Variants in ZBTB7C observed in about 807,000 individuals in gnomAD.
ZBTB7C encodes zinc finger and BTB domain-containing protein 7C.
ZBTB7C carries 8 observed loss-of-function variants against 25.7 expected under a neutral mutation model. The ratio of observed to expected loss-of-function variants is 0.31; its 90% CI spans 0.18 to 0.56. The LOEUF (loss-of-function observed/expected upper bound fraction) is 0.56, where lower values mean the gene tolerates loss of function less well. Ranked by LOEUF, ZBTB7C falls within the 20% of genes least tolerant of loss-of-function variation. ZBTB7C has a pLI of 0.91. For missense variants in ZBTB7C, 824 were observed against 855.2 expected, an observed-to-expected ratio of 0.96 and a Z score of 0.46; for synonymous variants, 394 against 369.0, an observed-to-expected ratio of 1.07 and a Z score of -0.78.
intron 3 of ZBTB7C, among the ~76,000 whole-genome samples, chr18:48,131,047 G>A (rs747891269): frequency 2.0e-5 from 3 of 152,174 alleles, no homozygotes; most frequent in Non-Finnish European, 2.9e-5. Context: ...GGGATTACAG[G>A]TGCGTGCCAC....
At chr18:48,118,418 A>C (rs1485830566) in intron 3 of ZBTB7C, among the ~76,000 whole-genome samples, 1 of 152,186 alleles carries the variant, frequency 6.6e-6, no homozygotes, top group East Asian at 1.9e-4. Context: ...CCTTTCTTTT[A>C]AGGATACAAA....
At chr18:48,331,000 T>C (rs908084995) in intron 2 of ZBTB7C, among the ~76,000 whole-genome samples, 25 of 151,936 alleles carry the variant, frequency 1.6e-4, no homozygotes, top group African/African-American at 4.6e-4. Context: ...AGGTCAAGGG[T>C]TCCCTCCTCC....
chr18:48,219,518 G>T (rs1252082906), intron 2 of ZBTB7C, among the ~76,000 whole-genome samples: 1 of 152,134 alleles, frequency 6.6e-6, no homozygotes, highest in Non-Finnish European at 1.5e-5. Context: ...GCCTTCCCAG[G>T]TCACACAGCC....
At chr18:48,306,913 C>T (rs763745484) in intron 2 of ZBTB7C, among the ~76,000 whole-genome samples, 2 of 152,132 alleles carry the variant, frequency 1.3e-5, no homozygotes, top group Non-Finnish European at 2.9e-5. Flanking sequence ...TTCTCTGAGG[C>T]ACACAGTGTA....
chr18:48,079,736 A>C (rs4315405), intron 3 of ZBTB7C, among the ~76,000 whole-genome samples: 33,413 of 152,274 alleles, frequency 0.22, 4,075 homozygotes, highest in African/African-American at 0.33. Flanking sequence ...GCCCGCTGGA[A>C]AGGCCTTGGC....
chr18:48,038,796 C>A (rs2036087844), intron 4 of ZBTB7C, among the ~76,000 whole-genome samples: 1 of 152,122 alleles, frequency 6.6e-6, no homozygotes, highest in Admixed American at 6.5e-5. Context: ...GGGAAGGGAC[C>A]TAGTCTAGTA....
rs78835798 is a variant in ZBTB7C at position 48,239,485 on chromosome 18, C to T, written c.-78-53490G>A. Among the ~76,000 whole-genome samples the T allele has an allele frequency of 3.2e-3, 491 of 152,332 alleles. 3 individuals are homozygous for T. The highest frequency in any genetic ancestry group is 4.9e-3 in the Non-Finnish European group (336 of 68,030). ...GTCCACTTCACTCCCCTGCTACCTC[C>T]ACTGGAGTAGGTGCTTACATCCATG... On this transcript the variant is annotated intron_variant, in intron 2 of 4. Coordinates refer to ENST00000590800, the MANE Select transcript of ZBTB7C (RefSeq NM_001318841.2).
At chr18:48,378,011 C>T (rs2047560344) in intron 1 of ZBTB7C, among the ~76,000 whole-genome samples, 2 of 152,042 alleles carry the variant, frequency 1.3e-5, no homozygotes, top group African/African-American at 4.8e-5. Flanking sequence ...ATTAGCCAGG[C>T]GTGGCAGCAT....
intron 1 of ZBTB7C, among the ~76,000 whole-genome samples, chr18:48,339,296 C>G (rs1219923509): frequency 2.0e-5 from 3 of 152,242 alleles, no homozygotes; most frequent in African/African-American, 7.2e-5. Flanking sequence ...TCCTCCAGGC[C>G]TCAGTGGGCC....
chr18:48,329,760 T>TA (rs1395767656), intron 2 of ZBTB7C, among the ~76,000 whole-genome samples: 1 of 152,240 alleles, frequency 6.6e-6, no homozygotes, highest in African/African-American at 2.4e-5. Context: ...TATTTCCATT[T>TA]AATAGATAAG....
chr18:48,029,627 G>C lies in ZBTB7C; in HGVS notation c.1493C>G (p.Pro498Arg), dbSNP rs2035651370. The change falls in exon 5 of 5, where the codon CCG becomes CGG. Residue 498 changes from proline to arginine, a missense_variant. Pro to Arg is a moderately radical substitution (Grantham distance 103). Transcript: ENST00000590800. ...CACGAAGGCCGCCTTGTCGGGGGCC[G>C]GGCCGCCGGGCCCGAAGAGCAGGCT... The part of the protein sequence containing the change: ...AASLLFGPGG[P>R]APDKAAFVMP... 1 of 1,501,574 alleles carries C rather than the reference G, an allele frequency of 6.7e-7. No homozygotes were observed. Among genetic ancestry groups the C allele is most frequent in the Non-Finnish European group, 8.8e-7 (1 of 1,135,416 alleles). The allele number at this position is 1,501,574 out of a possible 1,614,324, so 93.0% of individuals were successfully genotyped here.
chr18:48,336,314 C>G (rs1219886831), intron 2 of ZBTB7C, among the ~76,000 whole-genome samples: 1 of 152,234 alleles, frequency 6.6e-6, no homozygotes, highest in East Asian at 1.9e-4. Flanking sequence ...CTTCCTGGCT[C>G]TCACCCCCCA....
chr18:48,195,645 T>C (rs2042301861), intron 2 of ZBTB7C, among the ~76,000 whole-genome samples: 1 of 152,182 alleles, frequency 6.6e-6, no homozygotes, highest in Admixed American at 6.5e-5. Context: ...AATTTCCAGT[T>C]TTCAGTTTTT....
intron 2 of ZBTB7C, among the ~76,000 whole-genome samples, chr18:48,271,575 GTAT>G (rs765266868): frequency 6.2e-5 from 9 of 145,700 alleles, no homozygotes; most frequent in Non-Finnish European, 1.4e-4. Flanking sequence ...TATTTATAAG[GTAT>G]TATATTTATT....
chr18:48,087,267 A>C (rs1467360712), intron 3 of ZBTB7C, among the ~76,000 whole-genome samples: 1 of 152,264 alleles, frequency 6.6e-6, no homozygotes, highest in Non-Finnish European at 1.5e-5. Context: ...GGAAAGCTCC[A>C]GTGTTGTCTC....
At chr18:48,069,634 C>T (rs2037467867) in intron 3 of ZBTB7C, among the ~76,000 whole-genome samples, 1 of 151,310 alleles carries the variant, frequency 6.6e-6, no homozygotes, top group Non-Finnish European at 1.5e-5. Context: ...CCCATGTATT[C>T]GGAGCCTCTA....
intron 3 of ZBTB7C, among the ~76,000 whole-genome samples, chr18:48,071,841 C>T (rs1415358383): frequency 6.6e-6 from 1 of 152,252 alleles, no homozygotes; most frequent in Non-Finnish European, 1.5e-5. Flanking sequence ...CCTGCTACCA[C>T]ATGCGTGAAC....
intron 2 of ZBTB7C, among the ~76,000 whole-genome samples, chr18:48,274,003 G>A (rs1190404925): frequency 2.0e-5 from 3 of 152,036 alleles, no homozygotes; most frequent in Non-Finnish European, 4.4e-5. Context: ...ATTGTAATAC[G>A]AATAAATGGT....
intron 3 of ZBTB7C, among the ~76,000 whole-genome samples, chr18:48,140,622 A>C (rs1468578366): frequency 6.6e-6 from 1 of 151,824 alleles, no homozygotes; most frequent in Non-Finnish European, 1.5e-5. Context: ...CAGGGTAATG[A>C]CTCTTCCTGA....
Sources: allele counts gnomAD v4.1 joint callset (sites outside exome capture counted in the v4.1 genomes callset), GRCh38; gene constraint gnomAD v4.1.1; transcripts MANE v1.5; gene names NCBI Gene and HGNC (gene_info 2026-07-23, HGNC 2026-07-21).